CAMTA1: variants seen among roughly 807,000 people sequenced by gnomAD.
CAMTA1 encodes calmodulin binding transcription activator 1, also known as calmodulin-binding transcription activator 1.
A neutral mutation model predicts 170.9 loss-of-function variants in CAMTA1; 27 were observed. That is an observed-to-expected ratio of 0.16 (90% confidence interval 0.12 to 0.22). The LOEUF is 0.22. Among genes scored for constraint, CAMTA1 ranks in the 10% least tolerant of loss-of-function variants. The pLI is 1.00. For missense variants in CAMTA1, 1,619 were observed against 2,217.2 expected (o/e 0.73, Z 5.42); for synonymous variants, 833 against 891.5 (o/e 0.93, Z 1.17).
At chr1:7,123,807 T>G (rs1241022959) in intron 4 of CAMTA1, among the ~76,000 whole-genome samples, 2 of 152,186 alleles carry the variant, frequency 1.3e-5, no homozygotes, top group African/African-American at 4.8e-5. Flanking sequence ...ACCCATTCAC[T>G]GCCAAGTCCC....
chr1:7,740,922 T>A (rs1558270403), intron 16 of CAMTA1, among the ~76,000 whole-genome samples: 1 of 152,162 alleles, frequency 6.6e-6, no homozygotes, highest in Admixed American at 6.5e-5. Flanking sequence ...CTAAAGAAAG[T>A]TTTTTAGCCA....
At chr1:7,560,368 G>T (rs545343178) in intron 6 of CAMTA1, among the ~76,000 whole-genome samples, 1 of 152,392 alleles carries the variant, frequency 6.6e-6, no homozygotes, top group African/African-American at 2.4e-5. Context: ...AGCCCCAGGG[G>T]TGAGAGGCTG....
chr1:6,886,129 GTGGATGGA>G (rs1673147252), intron 3 of CAMTA1: 2 of 442,828 alleles, frequency 4.5e-6, no homozygotes, highest in Non-Finnish European at 9.1e-6. Context: ...GTGGTTATGG[GTGGATGGA>G]TGGGGGAAGT....
rs557567713 is a variant in CAMTA1, at chr1:7,718,285, G to A, written c.2915-14163G>A. Among the ~76,000 whole-genome samples, 3 of 148,610 alleles carry A rather than the reference G, an allele frequency of 2.0e-5. No individual in the cohort carries two copies. In the South Asian group the frequency reaches 6.2e-4, roughly 31 times the overall value. ...CCGTAAACATTTGTGGAATGAGTCC[G>A]TTCTGGCCGGATTCTCCATAGTTCT... On this transcript the variant is annotated intron_variant, in intron 11 of 22. Coordinates refer to ENST00000303635, the MANE Select transcript of CAMTA1 (RefSeq NM_015215.4).
At chr1:7,149,962 G>A (rs930746165) in intron 4 of CAMTA1, among the ~76,000 whole-genome samples, 1 of 152,078 alleles carries the variant, frequency 6.6e-6, no homozygotes, top group Middle Eastern at 3.4e-3. Flanking sequence ...GGGAGGCTTC[G>A]TCTCATTTCC....
intron 22 of CAMTA1, among the ~76,000 whole-genome samples, chr1:7,762,475 G>A (rs1014322749): frequency 2.0e-5 from 3 of 152,050 alleles, no homozygotes; most frequent in Non-Finnish European, 2.9e-5. Context: ...ATTGTTTTCT[G>A]TTTCTTTGGA....
At chr1:7,709,975 T>C (rs1163300881) in intron 11 of CAMTA1, among the ~76,000 whole-genome samples, 2 of 152,228 alleles carry the variant, frequency 1.3e-5, no homozygotes, top group Non-Finnish European at 2.9e-5. Flanking sequence ...TGAAAGCCAC[T>C]AGACTGGATA....
At chr1:7,557,514 T>C (rs577080112) in intron 6 of CAMTA1, among the ~76,000 whole-genome samples, 1 of 152,266 alleles carries the variant, frequency 6.6e-6, no homozygotes, top group South Asian at 2.1e-4. Flanking sequence ...GCCACTTTCT[T>C]TAGAGGTCTT....
chr1:7,582,577 C>G (rs1343916600), intron 6 of CAMTA1, among the ~76,000 whole-genome samples: 1 of 152,148 alleles, frequency 6.6e-6, no homozygotes, highest in Non-Finnish European at 1.5e-5. Context: ...GACCCAGGCT[C>G]CTTCTAGCTT....
chr1:7,076,167 C>A (rs1245465142), intron 3 of CAMTA1, among the ~76,000 whole-genome samples: 1 of 152,180 alleles, frequency 6.6e-6, no homozygotes, highest in African/African-American at 2.4e-5. Context: ...GGCTGCAGAT[C>A]TGCTGGGACT....
chr1:7,434,302 G>A (rs540160224), intron 5 of CAMTA1, among the ~76,000 whole-genome samples: 35 of 152,322 alleles, frequency 2.3e-4, no homozygotes, highest in Admixed American at 7.8e-4. Context: ...GGGGAGCATG[G>A]CAGTAAGGAC....
chr1:7,303,906 A>G (rs575054875), intron 5 of CAMTA1, among the ~76,000 whole-genome samples: 14 of 152,344 alleles, frequency 9.2e-5, no homozygotes, highest in Admixed American at 3.9e-4. Context: ...GAGATCACAG[A>G]ACAACCTGGA....
chr1:7,597,911 T>G (rs1400263560), intron 6 of CAMTA1, among the ~76,000 whole-genome samples: 2 of 152,110 alleles, frequency 1.3e-5, no homozygotes, highest in Non-Finnish European at 2.9e-5. Context: ...CGTGGTGGTT[T>G]GCTGCGACTA....
intron 3 of CAMTA1, among the ~76,000 whole-genome samples, chr1:7,026,544 G>A (rs1702045105): frequency 6.6e-6 from 1 of 152,012 alleles, no homozygotes; most frequent in African/African-American, 2.4e-5. Flanking sequence ...GACCTTCATG[G>A]GGGCTTTCCA....
Position 7,172,271 on chromosome 1 carries a change from T to A in CAMTA1, c.303-77220T>A, listed in dbSNP as rs1573630559. 2.0e-5 allele frequency among the ~76,000 whole-genome samples: 3 copies of A among 152,268 alleles called. No individual in the cohort carries two copies. The East Asian group carries it at 5.8e-4, about 29-fold the overall frequency. On this transcript the variant is annotated intron_variant, in intron 4 of 22. Transcript: ENST00000303635. ...CTCAAGCGATTCTCCTGCCTCAGCCTCCTGAGTAGCTGGGATTACAGGTGC... is the reference window on the plus strand; with the variant it reads ...CTCAAGCGATTCTCCTGCCTCAGCCACCTGAGTAGCTGGGATTACAGGTGC...
At chr1:7,677,847 C>T (rs1341463057) in intron 11 of CAMTA1, 114 bp downstream of exon 11, 20 of 1,275,076 alleles carry the variant, frequency 1.6e-5, no homozygotes, top group Middle Eastern at 4.0e-4. Flanking sequence ...GGAAGTGGTG[C>T]CAATGTGAGC....
intron 3 of CAMTA1, among the ~76,000 whole-genome samples, chr1:7,048,543 G>A (rs1459580761): frequency 6.6e-6 from 1 of 152,208 alleles, no homozygotes; most frequent in African/African-American, 2.4e-5. Flanking sequence ...GCCTTTGCCC[G>A]GAGAGATTCT....
chr1:7,637,622 AC>A (rs1244640177), intron 6 of CAMTA1, among the ~76,000 whole-genome samples: 1 of 152,214 alleles, frequency 6.6e-6, no homozygotes. Context: ...ATGAGACAGT[AC>A]TTAGGCCAAG....
At position 7,413,159 on chromosome 1, in the gene CAMTA1, C is replaced by A. The variant is rs558630006; in HGVS notation, c.439-54671C>A. Among the ~76,000 whole-genome samples the A allele has an allele frequency of 2.6e-5, 4 of 152,094 alleles. No homozygotes were observed. In the East Asian group the frequency reaches 7.7e-4, roughly 29 times the overall value. ...TACCATGCTGTTTTGGTTACTGTAG[C>A]CTTGTAGTATAGTTTGAAGTCAGGT... On this transcript the variant is annotated intron_variant, in intron 5 of 22. Transcript: ENST00000303635.
Sources: allele counts gnomAD v4.1 joint callset (sites outside exome capture counted in the v4.1 genomes callset), GRCh38; gene constraint gnomAD v4.1.1; transcripts MANE v1.5; gene names NCBI Gene and HGNC (gene_info 2026-07-23, HGNC 2026-07-21).